The following COL9A1 variants were observed in gnomAD, a reference collection of about 807,000 sequenced individuals.
The protein encoded by COL9A1 is collagen alpha-1(IX) chain.
In COL9A1, 104 loss-of-function variants were observed where a neutral mutation model predicts 142.6. The ratio of observed to expected loss-of-function variants is 0.73; its 90% CI spans 0.62 to 0.86. COL9A1 has a LOEUF of 0.86. Ranked by LOEUF, COL9A1 falls within the 40% of genes least tolerant of loss-of-function variation. The pLI, the probability that COL9A1 is intolerant of heterozygous loss-of-function variation, is 0.00. For missense variants in COL9A1, 1,210 were observed against 1,176.6 expected, an observed-to-expected ratio of 1.03 and a Z score of -0.42; for synonymous variants, 466 against 396.0, an observed-to-expected ratio of 1.18 and a Z score of -2.10.
rs1769963434 is a variant in COL9A1, at chr6:70,237,174, ACT to A, written c.2112+2078_2112+2079del. Among the ~76,000 whole-genome samples the A allele has an allele frequency of 2.6e-5, 4 of 152,324 alleles. No individual in the cohort carries two copies. The South Asian group carries it at 8.3e-4, about 32-fold the overall frequency. On this transcript the variant is annotated intron_variant, in intron 33 of 37. Coordinates refer to ENST00000357250, the MANE Select transcript of COL9A1 (RefSeq NM_001851.6). The stretch of plus-strand genomic sequence containing the variant: ...GAAGACAAAATGAACTCAGAAATAT[ACT>A]GAAGAACTGACAGAAAACAAAGGAG...
intron 28 of COL9A1, among the ~76,000 whole-genome samples, chr6:70,244,947 CCACCATATGTAG>C (rs1469821076): frequency 6.6e-6 from 1 of 152,164 alleles, no homozygotes; most frequent in African/African-American, 2.4e-5. Flanking sequence ...CCATAAGAGT[CCACCATATGTAG>C]CACGGAGAGA....
At chr6:70,302,787 T>G in intron 1 of COL9A1, 124 bp downstream of exon 1, 1 of 1,089,724 alleles carries the variant, frequency 9.2e-7, no homozygotes, top group Non-Finnish European at 1.4e-6. Flanking sequence ...TCCGTCTCTC[T>G]TTCTGTCTCT....
At chr6:70,219,067 A>G (rs1768711735) in intron 37 of COL9A1, among the ~76,000 whole-genome samples, 1 of 152,250 alleles carries the variant, frequency 6.6e-6, no homozygotes, top group Non-Finnish European at 1.5e-5. Context: ...CTATAGATAA[A>G]GCTGTAGCAG....
Position 70,294,315 on chromosome 6 carries a change from A to T in COL9A1, c.548T>A (p.Ile183Asn), listed in dbSNP as rs759724577. The T allele has an allele frequency of 6.2e-7, 1 of 1,614,050 alleles. No individual in the cohort carries two copies. The highest frequency in any genetic ancestry group is 8.5e-7 in the Non-Finnish European group (1 of 1,179,956). ...ACTACTCCTCTCCACGCCAATCATG[A>T]TCTTATGCCACTGGGAATCAAACAA... The part of the protein sequence containing the change: ...SSLFDSQWHK[I>N]MIGVERSSAT... The change falls in exon 5 of 38, where the codon ATC becomes AAC. Residue 183 changes from isoleucine to asparagine, a missense_variant. Coordinates refer to ENST00000357250, the MANE Select transcript of COL9A1 (RefSeq NM_001851.6).
chr6:70,240,892 G>T (rs1263722897), intron 31 of COL9A1, among the ~76,000 whole-genome samples, 159 bp from the exon 32 acceptor site: 1 of 149,890 alleles, frequency 6.7e-6, no homozygotes, highest in African/African-American at 2.5e-5. Context: ...AGCTGTCAGT[G>T]GTTAGTCCCA....
intron 33 of COL9A1, among the ~76,000 whole-genome samples, chr6:70,235,259 G>C (rs1214699816): frequency 6.6e-6 from 1 of 151,952 alleles, no homozygotes; most frequent in Non-Finnish European, 1.5e-5. Flanking sequence ...TTGAGACCAG[G>C]CTGGCCAATA....
chr6:70,248,160 G>A (rs897500733), intron 28 of COL9A1, among the ~76,000 whole-genome samples: 1 of 152,264 alleles, frequency 6.6e-6, no homozygotes, highest in East Asian at 1.9e-4. Context: ...CTACCACATG[G>A]TAGGACCAAA....
Position 70,268,824 on chromosome 6 carries a change from G to T in COL9A1, c.1267C>A (p.Pro423Thr). 1 of 1,613,904 alleles carries T rather than the reference G, an allele frequency of 6.2e-7. No individual in the cohort carries two copies. The change falls in exon 17 of 38, where the codon CCA becomes ACA. Residue 423 changes from proline to threonine, a missense_variant. Physicochemically the swap from Pro to Thr is conservative, Grantham distance 38. Transcript: ENST00000357250. ...CTTACCCTCATGCCTGGTAGGCCTG[G>T]ATATCCTGAGCGACCTGGTGGACAG... ...NACPPGRSGY[P>T]GLPGMRGHKG...
At position 70,242,003 on chromosome 6, in the gene COL9A1, C is replaced by G; in HGVS notation, c.1959G>C (p.Leu653Phe). 6.2e-7 allele frequency: 1 copy of G among 1,600,274 alleles called. No homozygotes were observed. Residue 653 changes from leucine to phenylalanine, a missense_variant, in exon 30 of 38, where the codon TTG becomes TTC. Coordinates refer to ENST00000357250, the MANE Select transcript of COL9A1 (RefSeq NM_001851.6). ...TTCCAGGAAGTCCAGGGGGCCCAGG[C>G]AAGCCAGGGAGGCCAGGGCTACCCA... is the stretch of plus-strand genomic sequence containing the variant. Reference protein sequence around the residue: ...GSLGSPGLPGLPGPPGLPGMK... With the variant: ...GSLGSPGLPGFPGPPGLPGMK...
chr6:70,242,394 T>C (rs906008381), intron 29 of COL9A1, among the ~76,000 whole-genome samples: 2 of 152,182 alleles, frequency 1.3e-5, no homozygotes, highest in African/African-American at 4.8e-5. Context: ...CTCTGTTTTC[T>C]GCCATTCCAA....
At chr6:70,256,877 A>G (rs1771338008) in intron 20 of COL9A1, 56 bp from the exon 21 acceptor site, 1 of 1,527,192 alleles carries the variant, frequency 6.5e-7, no homozygotes, top group Non-Finnish European at 9.1e-7. Context: ...ATGTTAAAGG[A>G]AGCATCCATC....
At chr6:70,295,488 A>T (rs1222214886) in intron 4 of COL9A1, among the ~76,000 whole-genome samples, 5 of 151,534 alleles carry the variant, frequency 3.3e-5, no homozygotes, top group Admixed American at 3.3e-4. Flanking sequence ...GTGTTTCGCC[A>T]TGTCAGTCAG....
At chr6:70,222,080 A>G (rs373962684) in intron 37 of COL9A1, among the ~76,000 whole-genome samples, 1 of 152,154 alleles carries the variant, frequency 6.6e-6, no homozygotes, top group East Asian at 1.9e-4. Flanking sequence ...GGGAACATAG[A>G]CTCAGGAAGC....
chr6:70,280,345 C>T (rs1773066058), intron 10 of COL9A1: 1 of 1,193,574 alleles, frequency 8.4e-7, no homozygotes, highest in Admixed American at 4.0e-5. Context: ...AGTGCTCTGG[C>T]CCTTTGCCTA....
At chr6:70,270,767 C>T (rs991943033) in intron 14 of COL9A1, among the ~76,000 whole-genome samples, 6 of 152,224 alleles carry the variant, frequency 3.9e-5, no homozygotes, top group African/African-American at 1.4e-4. Flanking sequence ...TGCACTCAGT[C>T]TGAAACTGTG....
chr6:70,256,847 A>G, intron 20 of COL9A1, 26 bp from the exon 21 acceptor site: 1 of 1,611,434 alleles, frequency 6.2e-7, no homozygotes, highest in Non-Finnish European at 8.5e-7. Flanking sequence ...ACAATGGAAA[A>G]AAACTGAGAT....
At chr6:70,238,356 G>C (rs951019562) in intron 33 of COL9A1, among the ~76,000 whole-genome samples, 2 of 152,170 alleles carry the variant, frequency 1.3e-5, no homozygotes, top group Non-Finnish European at 1.5e-5. Context: ...CAATTAGCAA[G>C]TCATCTCAGG....
At chr6:70,230,007 A>C (rs1376902243) in intron 36 of COL9A1, among the ~76,000 whole-genome samples, 3 of 152,162 alleles carry the variant, frequency 2.0e-5, no homozygotes, top group Non-Finnish European at 4.4e-5. Context: ...GTTTCTCTGG[A>C]AAAAGGCTCT....
At chr6:70,239,216 T>C in intron 33 of COL9A1, 38 bp downstream of exon 33, 1 of 1,332,846 alleles carries the variant, frequency 7.5e-7, no homozygotes, top group Non-Finnish European at 1.1e-6. Flanking sequence ...TATTAATGTT[T>C]TTAATTTTTT....
Sources: gnomAD v4.1 joint callset for allele counts (sites outside exome capture counted in the v4.1 genomes callset) on GRCh38, gnomAD v4.1.1 for gene constraint, MANE v1.5 for transcripts, NCBI Gene and HGNC (gene_info 2026-07-23, HGNC 2026-07-21) for gene names.